The following IL1RAPL1 variants were observed in gnomAD, a reference collection of about 807,000 sequenced individuals.
IL1RAPL1 encodes the protein interleukin-1 receptor accessory protein-like 1.
In IL1RAPL1, 3 loss-of-function variants were observed where a neutral mutation model predicts 48.4. The ratio of observed to expected loss-of-function variants is 0.06; its 90% CI spans 0.03 to 0.16. The LOEUF (loss-of-function observed/expected upper bound fraction) is 0.16, where lower values mean the gene tolerates loss of function less well. Ranked by LOEUF, IL1RAPL1 falls within the 10% of genes least tolerant of loss-of-function variation. The pLI, the probability that IL1RAPL1 is intolerant of heterozygous loss-of-function variation, is 1.00. For missense variants in IL1RAPL1, 349 were observed against 530.6 expected (o/e 0.66, Z 3.36); for synonymous variants, 185 against 187.7 (o/e 0.99, Z 0.12).
At chrX:29,762,560 GAGAA>G (rs1259130426) in intron 6 of IL1RAPL1, among the ~76,000 whole-genome samples, 5 of 111,575 alleles carry the variant, frequency 4.5e-5, no homozygotes, top group Middle Eastern at 4.6e-3. Flanking sequence ...GAGGGAGAAA[GAGAA>G]AGAGAGAGAA....
rs1025260436 is a variant in IL1RAPL1 at position 28,908,269 on chromosome X, CT to C, written c.82+118845del. ...TTAGATATAAAGTGTTGTTTTTTCTCTGGTTTCCTAGGGTGAAAGCTTAGAG... is the reference window on the plus strand; with the variant it reads ...TTAGATATAAAGTGTTGTTTTTTCTCGGTTTCCTAGGGTGAAAGCTTAGAG... On this transcript the variant is annotated intron_variant, in intron 2 of 10. Transcript: ENST00000378993. 6.3e-5 allele frequency among the ~76,000 whole-genome samples: 7 copies of C among 110,403 alleles called. No individual in the cohort carries two copies. In the Admixed American group the frequency reaches 6.8e-4, roughly 11 times the overall value.
chrX:29,138,612 T>TAA (rs34928715), intron 2 of IL1RAPL1, among the ~76,000 whole-genome samples: 47 of 94,402 alleles, frequency 5.0e-4, no homozygotes, highest in East Asian at 6.7e-4. Flanking sequence ...TACTAAAAAT[T>TAA]AAAAAAAAAA....
At chrX:28,788,860 T>G (rs1187134363) in intron 1 of IL1RAPL1, among the ~76,000 whole-genome samples, 2 of 111,709 alleles carry the variant, frequency 1.8e-5, no homozygotes, top group Non-Finnish European at 3.8e-5. Context: ...AAATCACGAT[T>G]AAATATTTTG....
intron 8 of IL1RAPL1, among the ~76,000 whole-genome samples, chrX:29,939,168 A>G (rs753576174): frequency 6.3e-4 from 71 of 112,034 alleles, no homozygotes; most frequent in African/African-American, 2.2e-3. Context: ...AAAGTTTACA[A>G]TGTGGTAATA....
chrX:29,339,114 G>GCA (rs1353588786), intron 3 of IL1RAPL1, among the ~76,000 whole-genome samples: 100 of 55,189 alleles, frequency 1.8e-3, no homozygotes, highest in African/African-American at 4.8e-3. Context: ...ACACACACAC[G>GCA]CACACACTCA....
At position 29,243,912 on chromosome X, in the gene IL1RAPL1, T is replaced by C. The variant is rs766970114; in HGVS notation, c.83-39026T>C. ...ATCTCTACCTCTAAAGGGTCTTGAA[T>C]TGTGAAAGAGTTTCCCTCCCCTCTT... On this transcript the variant is annotated intron_variant, in intron 2 of 10. Coordinates refer to ENST00000378993, the MANE Select transcript of IL1RAPL1 (RefSeq NM_014271.4). Among the ~76,000 whole-genome samples the C allele has an allele frequency of 3.6e-5, 4 of 111,567 alleles. No individual in the cohort carries two copies. The South Asian group carries it at 1.5e-3, about 42-fold the overall frequency.
chrX:29,089,664 T>G (rs1407522708), intron 2 of IL1RAPL1, among the ~76,000 whole-genome samples: 1 of 98,090 alleles, frequency 1.0e-5, no homozygotes, highest in Non-Finnish European at 2.0e-5. Context: ...TGGTCAAAAG[T>G]GTATTTTGAT....
intron 2 of IL1RAPL1, among the ~76,000 whole-genome samples, chrX:28,868,232 G>A (rs1331641995): frequency 6.3e-5 from 7 of 110,946 alleles, no homozygotes; most frequent in Non-Finnish European, 1.3e-4. Flanking sequence ...CATCATGGGC[G>A]TATCAAGTAG....
At position 29,204,562 on chromosome X, in the gene IL1RAPL1, T is replaced by C. The variant is rs146970389; in HGVS notation, c.83-78376T>C. Among the ~76,000 whole-genome samples the C allele has an allele frequency of 9.8e-3, 1,092 of 111,981 alleles. 18 individuals carry two copies. The highest frequency in any genetic ancestry group is 0.033 in the African/African-American group (1,028 of 30,849). On this transcript the variant is annotated intron_variant, in intron 2 of 10. Transcript: ENST00000378993. ...CATCTATTCAGGTCTTTTGCTTATT[T>C]TTAATAGGATTATGTGTTCCTATAC... is the stretch of plus-strand genomic sequence containing the variant.
chrX:28,637,308 T>TAAC (rs1010885899), intron 1 of IL1RAPL1, among the ~76,000 whole-genome samples: 1 of 111,416 alleles, frequency 9.0e-6, no homozygotes, highest in Admixed American at 9.6e-5. Context: ...ACTTTAAACT[T>TAAC]AACAACAACA....
At chrX:29,587,716 A>G (rs1923227982) in intron 5 of IL1RAPL1, among the ~76,000 whole-genome samples, 1 of 111,951 alleles carries the variant, frequency 8.9e-6, no homozygotes, top group Non-Finnish European at 1.9e-5. Context: ...CCCTTGCACT[A>G]TTGGTCTTAT....
At chrX:29,619,787 TG>T (rs1009668831) in intron 5 of IL1RAPL1, among the ~76,000 whole-genome samples, 6 of 111,934 alleles carry the variant, frequency 5.4e-5, no homozygotes, top group African/African-American at 1.9e-4. Flanking sequence ...ATGTGTGAGC[TG>T]TTTTTTTGTT....
intron 3 of IL1RAPL1, among the ~76,000 whole-genome samples, chrX:29,293,277 G>A (rs1171341171): frequency 9.2e-6 from 1 of 108,243 alleles, no homozygotes; most frequent in South Asian, 3.9e-4. Flanking sequence ...CAACAAAACA[G>A]CCTATTTTTT....
At position 28,957,895 on chromosome X, in the gene IL1RAPL1, G is replaced by T. The variant is rs899259560; in HGVS notation, c.82+168470G>T. Among the ~76,000 whole-genome samples the T allele has an allele frequency of 9.8e-4, 108 of 110,052 alleles. 2 individuals are homozygous for T. The highest frequency in any genetic ancestry group is 3.2e-3 in the African/African-American group (98 of 30,224). On this transcript the variant is annotated intron_variant, in intron 2 of 10. Transcript: ENST00000378993. ...AATCGCTTGAACCCGGGAAGTGGAG[G>T]TTGCAGTGAGCTGAGATAGCACCAC... is the stretch of plus-strand genomic sequence containing the variant.
chrX:28,991,417 C>T lies in IL1RAPL1; in HGVS notation c.82+201992C>T, dbSNP rs931212710. On this transcript the variant is annotated intron_variant, in intron 2 of 10. Transcript: ENST00000378993. The stretch of plus-strand genomic sequence containing the variant: ...TCAGGTGAAAACAGTGAGAGGGGCT[C>T]TTTGTTCATCTGACCTTATATTTTA... Among the ~76,000 whole-genome samples, 7 of 111,419 alleles carry T rather than the reference C, an allele frequency of 6.3e-5. No homozygotes were observed. The Admixed American group carries it at 6.7e-4, about 11-fold the overall frequency.
At chrX:29,624,368 C>T (rs1276583214) in intron 5 of IL1RAPL1, among the ~76,000 whole-genome samples, 1 of 112,098 alleles carries the variant, frequency 8.9e-6, no homozygotes, top group African/African-American at 3.2e-5. Context: ...AGATTCCTGA[C>T]TTGACTAAAT....
At chrX:28,668,251 A>G (rs1934903783) in intron 1 of IL1RAPL1, among the ~76,000 whole-genome samples, 1 of 111,138 alleles carries the variant, frequency 9.0e-6, no homozygotes, top group Admixed American at 9.5e-5. Context: ...TGGGAATCCA[A>G]AAGAATTGTT....
rs544015719 is a variant in IL1RAPL1, at chrX:29,431,179, C to T, written c.703+31871C>T. 5.4e-5 allele frequency among the ~76,000 whole-genome samples: 6 copies of T among 111,914 alleles called. No individual in the cohort carries two copies. The South Asian group carries it at 2.2e-3, about 41-fold the overall frequency. On this transcript the variant is annotated intron_variant, in intron 5 of 10. Transcript: ENST00000378993. ...TCCCGAAAACTCAAAGTGCTGTTTG[C>T]AGCAATTTTGCATGTGAGTATTCAG...
intron 6 of IL1RAPL1, among the ~76,000 whole-genome samples, chrX:29,880,446 C>CT (rs1227754577): frequency 2.7e-5 from 3 of 111,609 alleles, no homozygotes; most frequent in Non-Finnish European, 5.7e-5. Context: ...ATTGAGAAAT[C>CT]TTTAAAATGA....
Sources: allele counts gnomAD v4.1 joint callset (sites outside exome capture counted in the v4.1 genomes callset), GRCh38; gene constraint gnomAD v4.1.1; transcripts MANE v1.5; gene names NCBI Gene and HGNC (gene_info 2026-07-23, HGNC 2026-07-21).